The following ARB2A variants were observed in gnomAD, a reference collection of about 807,000 sequenced individuals.
ARB2A encodes the protein cotranscriptional regulator ARB2A.
chr5:94,037,020 A>T, the ARB2A span, among the ~76,000 whole-genome samples: 5 of 152,284 alleles, frequency 3.3e-5, no homozygotes, highest in African/African-American at 9.6e-5. Context: ...ATCAATTGCT[A>T]AAAGTCCCTT....
the ARB2A span, among the ~76,000 whole-genome samples, chr5:93,626,208 T>C: frequency 6.6e-6 from 1 of 152,204 alleles, no homozygotes; most frequent in Non-Finnish European, 1.5e-5. Context: ...TTATTTACCT[T>C]TTCAATGAAT....
chr5:93,836,627 C>T, the ARB2A span, among the ~76,000 whole-genome samples: 1 of 152,040 alleles, frequency 6.6e-6, no homozygotes, highest in African/African-American at 2.4e-5. Flanking sequence ...AAAATGTTTT[C>T]TTCATTTTGG....
the ARB2A span, among the ~76,000 whole-genome samples, chr5:93,924,755 G>A: frequency 6.6e-6 from 1 of 152,190 alleles, no homozygotes; most frequent in East Asian, 1.9e-4. Context: ...GATTTAGCTG[G>A]AGGGTCAGGG....
At chr5:93,706,718 T>C in the ARB2A span, among the ~76,000 whole-genome samples, 1 of 152,058 alleles carries the variant, frequency 6.6e-6, no homozygotes, top group Non-Finnish European at 1.5e-5. Flanking sequence ...TACAAAAAGT[T>C]AGCCAGGCGT....
chr5:94,064,359 G>A, the ARB2A span, among the ~76,000 whole-genome samples: 1 of 152,136 alleles, frequency 6.6e-6, no homozygotes, highest in Admixed American at 6.5e-5. Flanking sequence ...ATACCATAAA[G>A]CTATAAAATA....
the ARB2A span, among the ~76,000 whole-genome samples, chr5:93,914,470 TTG>T: frequency 6.6e-6 from 1 of 151,980 alleles, no homozygotes; most frequent in Non-Finnish European, 1.5e-5. Context: ...TAAATTGTTT[TTG>T]TGAGTGCTTG....
the ARB2A span, among the ~76,000 whole-genome samples, chr5:93,724,591 T>G: frequency 6.6e-6 from 1 of 152,076 alleles, no homozygotes; most frequent in South Asian, 2.1e-4. Context: ...TAAATTGACT[T>G]TTCTATCAAT....
At chr5:94,007,670 G>C in the ARB2A span, among the ~76,000 whole-genome samples, 1 of 152,002 alleles carries the variant, frequency 6.6e-6, no homozygotes, top group African/African-American at 2.4e-5. Context: ...AGCTACCTGG[G>C]AGGCTGAGGC....
At chr5:93,765,523 C>A in the ARB2A span, among the ~76,000 whole-genome samples, 36 of 152,258 alleles carry the variant, frequency 2.4e-4, no homozygotes, top group African/African-American at 6.7e-4. Context: ...GAACTACAAA[C>A]CACTGCTCAA....
chr5:94,029,664 C>T, the ARB2A span, among the ~76,000 whole-genome samples: 8 of 152,054 alleles, frequency 5.3e-5, no homozygotes, highest in Admixed American at 2.6e-4. Context: ...AAAGTTGTAA[C>T]AGCTAAATCT....
the ARB2A span, among the ~76,000 whole-genome samples, chr5:93,878,905 A>G: frequency 6.6e-6 from 1 of 152,098 alleles, no homozygotes; most frequent in South Asian, 2.1e-4. Context: ...TAGATTTATT[A>G]TCTACCATTT....
At chr5:93,919,470 T>C in the ARB2A span, among the ~76,000 whole-genome samples, 3 of 152,168 alleles carry the variant, frequency 2.0e-5, no homozygotes, top group African/African-American at 2.4e-5. Context: ...ATAAGTTTTA[T>C]TTCATTGTAG....
the ARB2A span, among the ~76,000 whole-genome samples, chr5:94,033,987 A>G: frequency 2.8e-4 from 42 of 152,308 alleles, no homozygotes; most frequent in African/African-American, 1.0e-3. Context: ...AGGTTGTTAC[A>G]AAGTGAGGTT....
At chr5:93,774,310 G>A in the ARB2A span, among the ~76,000 whole-genome samples, 1 of 152,228 alleles carries the variant, frequency 6.6e-6, no homozygotes, top group Admixed American at 6.5e-5. Context: ...GAAAGGAAGA[G>A]TTGCATATCT....
chr5:93,919,376 T>A, the ARB2A span, among the ~76,000 whole-genome samples: 1 of 152,130 alleles, frequency 6.6e-6, no homozygotes, highest in Non-Finnish European at 1.5e-5. Context: ...GAGAGAAGAA[T>A]CAATTTTTTA....
At chr5:93,639,389 G>A in the ARB2A span, among the ~76,000 whole-genome samples, 1 of 151,252 alleles carries the variant, frequency 6.6e-6, no homozygotes, top group Admixed American at 6.6e-5. Context: ...ACTCTGTCTG[G>A]TACTACACTA....
chr5:93,805,975 C>A, the ARB2A span: 24 of 976,612 alleles, frequency 2.5e-5, no homozygotes, highest in African/African-American at 3.9e-4. Flanking sequence ...CTCCTCCACT[C>A]ATGAGATTAT....
chr5:93,775,469 C>T, the ARB2A span, among the ~76,000 whole-genome samples: 1 of 152,204 alleles, frequency 6.6e-6, no homozygotes, highest in Non-Finnish European at 1.5e-5. Flanking sequence ...GTCACTCTCT[C>T]TTCTTACCTA....
At chr5:93,763,928 C>T in the ARB2A span, among the ~76,000 whole-genome samples, 2 of 152,152 alleles carry the variant, frequency 1.3e-5, no homozygotes, top group African/African-American at 4.8e-5. Flanking sequence ...GGAAACTGAA[C>T]AACCTGCTCC....
Sources: gnomAD v4.1 joint callset for allele counts (sites outside exome capture counted in the v4.1 genomes callset) on GRCh38, gnomAD v4.1.1 for gene constraint, MANE v1.5 for transcripts, NCBI Gene and HGNC (gene_info 2026-07-23, HGNC 2026-07-21) for gene names.